CCNB1IP1: variants seen among roughly 807,000 people sequenced by gnomAD.
CCNB1IP1 encodes the protein cyclin B1 interacting protein 1.
In CCNB1IP1, 14 loss-of-function variants were observed where a neutral mutation model predicts 25.6. The ratio of observed to expected loss-of-function variants is 0.55; its 90% CI spans 0.36 to 0.85. The LOEUF is 0.85. CCNB1IP1 is among the 40% of genes least tolerant of loss of function. CCNB1IP1 has a pLI of 0.01. For synonymous variants in CCNB1IP1, 119 were observed against 116.1 expected, an observed-to-expected ratio of 1.02 and a Z score of -0.16; for missense variants, 278 against 342.4, an observed-to-expected ratio of 0.81 and a Z score of 1.48.
intron 4 of CCNB1IP1, chr14:20,320,512 A>C: frequency 3.0e-6 from 1 of 331,552 alleles, no homozygotes; most frequent in Non-Finnish European, 6.0e-6. Context: ...AAGGCAACCA[A>C]CCACAAAGAC....
chr14:20,315,272 T>C (rs1370438552), intron 5 of CCNB1IP1, among the ~76,000 whole-genome samples: 1 of 150,876 alleles, frequency 6.6e-6, no homozygotes, highest in Non-Finnish European at 1.5e-5. Flanking sequence ...ACCCAGAACA[T>C]GGACAATACC....
Position 20,326,762 on chromosome 14 carries a change from C to A in CCNB1IP1, c.-199G>T. On this transcript the variant is annotated 5_prime_UTR_variant, in exon 3 of 7. Transcript: ENST00000358932. ...GCTTCTATCTAGAAATCCAGTTGAACCACAGGATCTATCAATTATCTAGGA... is the reference window on the plus strand; with the variant it reads ...GCTTCTATCTAGAAATCCAGTTGAAACACAGGATCTATCAATTATCTAGGA... 3.5e-6 allele frequency: 1 copy of A among 285,206 alleles called. No individual in the cohort carries two copies. The highest frequency in any genetic ancestry group is 3.1e-5 in the South Asian group (1 of 32,242). The allele number at this position is 285,206 out of a possible 1,614,324, so 17.7% of individuals were successfully genotyped here.
chr14:20,326,781 T>C lies in CCNB1IP1; in HGVS notation c.-218A>G. On this transcript the variant is annotated 5_prime_UTR_variant, in exon 3 of 7. Coordinates refer to ENST00000358932, the MANE Select transcript of CCNB1IP1 (RefSeq NM_021178.5). ...GTTGAACCACAGGATCTATCAATTA[T>C]CTAGGATCATTTCTGGAAAATTTAA... is the stretch of plus-strand genomic sequence containing the variant. The C allele has an allele frequency of 3.7e-6, 1 of 267,236 alleles. No homozygotes were observed. Among genetic ancestry groups the C allele is most frequent in the South Asian group, 3.7e-5 (1 of 27,234 alleles). 16.6% of individuals were successfully genotyped at this position (267,236 alleles called of 1,614,324 possible).
intron 6 of CCNB1IP1, among the ~76,000 whole-genome samples, chr14:20,313,078 AAAG>A (rs1195411953): frequency 3.3e-5 from 5 of 152,192 alleles, no homozygotes; most frequent in Non-Finnish European, 5.9e-5. Flanking sequence ...CATCTGTATA[AAAG>A]AAGGATAATA....
At position 20,317,265 on chromosome 14, in the gene CCNB1IP1, G is replaced by C. The variant is rs1009733431; in HGVS notation, c.-37-705C>G. ...ACTAAAAATACAAAAAATTAGCTGG[G>C]TGTGGTGGCGGGCGCCTGTAGTCCC... On this transcript the variant is annotated intron_variant, in intron 4 of 6. Coordinates refer to ENST00000358932, the MANE Select transcript of CCNB1IP1 (RefSeq NM_021178.5). 5.3e-5 allele frequency among the ~76,000 whole-genome samples: 8 copies of C among 152,142 alleles called. No individual in the cohort carries two copies. The South Asian group carries it at 1.7e-3, about 32-fold the overall frequency.
At chr14:20,316,605 G>T (rs915202500) in intron 4 of CCNB1IP1, 45 bp from the exon 5 acceptor site, 2 of 1,082,048 alleles carry the variant, frequency 1.8e-6, no homozygotes, top group African/African-American at 1.6e-5. Flanking sequence ...AAATTGCAAT[G>T]AAAATAAAAG....
At chr14:20,329,429 T>C (rs747641880) in intron 1 of CCNB1IP1, 56 bp from the exon 2 acceptor site, 1 of 152,220 alleles carries the variant, frequency 6.6e-6, no homozygotes, top group Non-Finnish European at 1.5e-5. Flanking sequence ...ACTAGACTAA[T>C]AGCTTGGTAT....
rs1430377399 is a variant in CCNB1IP1 at position 20,311,605 on chromosome 14, C to A, written c.779G>T (p.Arg260Leu). The A allele has an allele frequency of 3.1e-6, 5 of 1,613,822 alleles. No individual in the cohort carries two copies. Among genetic ancestry groups the A allele is most frequent in the Non-Finnish European group, 4.2e-6 (5 of 1,179,986 alleles). Residue 260 changes from arginine to leucine, a missense_variant, in exon 7 of 7, where the codon CGT becomes CTT. By Grantham distance (102) the Arg-to-Leu change is moderately radical (BLOSUM62 -2). Coordinates refer to ENST00000358932, the MANE Select transcript of CCNB1IP1 (RefSeq NM_021178.5). ...NSFFSFVSPS[R>L]ELEQQQVSSR... Reference sequence around the variant, plus strand: ...AGAAACTTGCTGCTGCTCTAATTCACGACTTGGAGAGACAAAACTAAAAAA... The same window carrying A: ...AGAAACTTGCTGCTGCTCTAATTCAAGACTTGGAGAGACAAAACTAAAAAA...
At chr14:20,312,571 A>C (rs998538978) in intron 6 of CCNB1IP1, among the ~76,000 whole-genome samples, 3 of 152,064 alleles carry the variant, frequency 2.0e-5, no homozygotes, top group Non-Finnish European at 4.4e-5. Context: ...TAAATATCCA[A>C]AAATGAGTAT....
intron 4 of CCNB1IP1, chr14:20,319,164 CCT>C (rs1882813539): frequency 1.3e-5 from 2 of 152,226 alleles, no homozygotes; most frequent in African/African-American, 4.8e-5. Flanking sequence ...CCTGCAAACC[CCT>C]GAGTAGTGCC....
intron 5 of CCNB1IP1, chr14:20,314,520 T>C (rs1018230880): frequency 6.1e-5 from 7 of 114,704 alleles, no homozygotes; most frequent in Admixed American, 2.0e-4. Context: ...GAAGATAACA[T>C]AGGGTAAAAT....
intron 1 of CCNB1IP1, among the ~76,000 whole-genome samples, chr14:20,330,284 C>T (rs1475961213): frequency 1.3e-5 from 2 of 151,982 alleles, no homozygotes; most frequent in Non-Finnish European, 2.9e-5. Flanking sequence ...GAGCTAAATA[C>T]TGGGTTCACA....
intron 4 of CCNB1IP1, among the ~76,000 whole-genome samples, chr14:20,325,074 A>G (rs1594282307): frequency 6.6e-6 from 1 of 151,120 alleles, no homozygotes; most frequent in East Asian, 2.0e-4. Context: ...CGGCCTCCCA[A>G]AGTGCTAGGA....
Position 20,313,129 on chromosome 14 carries a change from T to C in CCNB1IP1, c.631+339A>G, listed in dbSNP as rs577899773. Reference sequence around the variant, plus strand: ...TAAGGTTTTGTAAATTATATGAATTTATATAAAACACAACAGTGCCTAGCA... The same window carrying C: ...TAAGGTTTTGTAAATTATATGAATTCATATAAAACACAACAGTGCCTAGCA... On this transcript the variant is annotated intron_variant, in intron 6 of 6. Coordinates refer to ENST00000358932, the MANE Select transcript of CCNB1IP1 (RefSeq NM_021178.5). 2.1e-4 allele frequency among the ~76,000 whole-genome samples: 32 copies of C among 152,318 alleles called. No homozygotes were observed. In the East Asian group the frequency reaches 6.0e-3, roughly 28 times the overall value.
intron 4 of CCNB1IP1, among the ~76,000 whole-genome samples, chr14:20,317,320 CG>C (rs1331393716): frequency 1.3e-5 from 2 of 151,944 alleles, no homozygotes; most frequent in Non-Finnish European, 2.9e-5. Context: ...GCAGGAGACT[CG>C]TTTGAACCCG....
At chr14:20,327,818 A>G (rs1232047062) in intron 2 of CCNB1IP1, among the ~76,000 whole-genome samples, 1 of 152,198 alleles carries the variant, frequency 6.6e-6, no homozygotes, top group Non-Finnish European at 1.5e-5. Flanking sequence ...AGTAAGGTTA[A>G]GAAAAGAAGT....
intron 1 of CCNB1IP1, among the ~76,000 whole-genome samples, chr14:20,332,026 ATTTTT>A (rs57345952): frequency 1.1e-3 from 44 of 40,722 alleles, no homozygotes; most frequent in African/African-American, 3.7e-3. Flanking sequence ...ATATATATAT[ATTTTT>A]TTTTTTTTTT....
At chr14:20,316,191 A>G in intron 5 of CCNB1IP1, 36 bp downstream of exon 5, 1 of 1,569,562 alleles carries the variant, frequency 6.4e-7, no homozygotes, top group Non-Finnish European at 8.7e-7. Flanking sequence ...AATGCCATAA[A>G]TCACATGCTC....
intron 4 of CCNB1IP1, chr14:20,320,522 C>T (rs1166630936): frequency 2.1e-5 from 7 of 328,632 alleles, no homozygotes; most frequent in African/African-American, 1.5e-4. Flanking sequence ...ACCACAAAGA[C>T]AAAACTACTC....
Sources: allele counts gnomAD v4.1 joint callset (sites outside exome capture counted in the v4.1 genomes callset), GRCh38; gene constraint gnomAD v4.1.1; transcripts MANE v1.5; gene names NCBI Gene and HGNC (gene_info 2026-07-23, HGNC 2026-07-21).